The following ITFG2 variants were observed in gnomAD, a reference collection of about 807,000 sequenced individuals.
ITFG2 encodes the protein KICSTOR complex protein ITFG2.
ITFG2 carries 36 observed loss-of-function variants against 54.4 expected under a neutral mutation model. The observed-to-expected ratio is 0.66, with a 90% CI of 0.51 to 0.87. ITFG2 has a LOEUF of 0.87. Ranked by LOEUF, ITFG2 falls within the 40% of genes least tolerant of loss-of-function variation. The probability of loss-of-function intolerance (pLI) is 0.00; values close to 1 mark genes in which losing one functional copy is unlikely to be tolerated. For missense variants in ITFG2, 524 were observed against 576.7 expected (o/e 0.91, Z 0.94); for synonymous variants, 211 against 225.4 (o/e 0.94, Z 0.57).
intron 2 of ITFG2, chr12:2,855,179 T>A (rs1603494003): frequency 8.0e-6 from 12 of 1,507,022 alleles, no homozygotes; most frequent in Non-Finnish European, 9.7e-6. Flanking sequence ...TCGTAGGGCC[T>A]GTCAGGCTGG....
downstream of ITFG2, chr12:2,827,562 A>G (rs2097974700): frequency 4.3e-6 from 7 of 1,612,146 alleles, no homozygotes; most frequent in Non-Finnish European, 5.9e-6. This position sits in a 1 kb window ranked among gnomAD's most constrained non-coding sequence, Gnocchi z 4.0. Context: ...TCCAGGTTCC[A>G]CACCTGTGCC....
Position 2,815,124 on chromosome 12 carries a change from G to T in ITFG2, c.97-2099G>T, listed in dbSNP as rs571760520. Among the ~76,000 whole-genome samples, 18 of 152,262 alleles carry T rather than the reference G, an allele frequency of 1.2e-4. No homozygotes were observed. The East Asian group carries it at 2.1e-3, about 18-fold the overall frequency. ...CCCAAAAGTAGCTGGGATTACAGGC[G>T]TGAGCCACCGCGCCCAGCCAGAAAT... On this transcript the variant is annotated intron_variant, in intron 1 of 11. Coordinates refer to ENST00000228799, the MANE Select transcript of ITFG2 (RefSeq NM_018463.4).
chr12:2,840,649 G>A (rs895009881), intron 1 of ITFG2, among the ~76,000 whole-genome samples: 2 of 151,984 alleles, frequency 1.3e-5, no homozygotes, highest in African/African-American at 4.8e-5. Flanking sequence ...AGCCGGGCGA[G>A]GTGGCGGGCG....
chr12:2,821,294 A>C lies in ITFG2; in HGVS notation c.728A>C (p.His243Pro), dbSNP rs1310721612. ...ETPAARDVVL[H>P]QTSGRIHNKN... ...CCAGCTGCCCGAGACGTGGTGCTGC[A>C]CCAGACATCTGGCCGTATCCACAAC... The change falls in exon 7 of 12, where the codon CAC (histidine) becomes CCC (proline). Residue 243 changes from histidine to proline, a missense_variant. Coordinates refer to ENST00000228799, the MANE Select transcript of ITFG2 (RefSeq NM_018463.4). 3 of 1,609,868 alleles carry C rather than the reference A, an allele frequency of 1.9e-6. No individual in the cohort carries two copies. The highest frequency in any genetic ancestry group is 2.5e-6 in the Non-Finnish European group (3 of 1,178,122).
At position 2,817,252 on chromosome 12, in the gene ITFG2, C is replaced by T. The variant is rs762374688; in HGVS notation, c.126C>T (p.Ser42=). The T allele has an allele frequency of 1.2e-5, 20 of 1,613,666 alleles. No homozygotes were observed. The highest frequency in any genetic ancestry group is 2.2e-5 in the South Asian group (2 of 91,010). ...ATGAACTGGTGGTGGGAGACACCAG[C>T]GGGAAGGTGTCTGTGTATAAAAATG... ...TLNELVVGDT[S]GKVSVYKNDD... Residue 42 remains serine (S), a synonymous_variant, in exon 2 of 12, where the codon AGC becomes AGT. Transcript: ENST00000228799.
Position 2,818,490 on chromosome 12 carries a change from T to C in ITFG2, c.406+213T>C, listed in dbSNP as rs2097929545. ...ATTGCTGCCCTCCTGGGCCTTATTATGAAGAAACAGAAAAGAAACAATATA... is the reference window on the plus strand; with the variant it reads ...ATTGCTGCCCTCCTGGGCCTTATTACGAAGAAACAGAAAAGAAACAATATA... On this transcript the variant is annotated intron_variant, in intron 4 of 11. Transcript: ENST00000228799. The C allele has an allele frequency of 4.6e-6, 4 of 869,718 alleles. No individual in the cohort carries two copies. The African/African-American group carries it at 5.1e-5, about 11-fold the overall frequency. 53.9% of individuals were successfully genotyped at this position (869,718 alleles called of 1,614,324 possible). A position where few individuals can be genotyped will look rare whatever the true frequency, so the allele number is the denominator to read the frequency against.
intron 2 of ITFG2, among the ~76,000 whole-genome samples, chr12:2,846,078 G>A (rs887671708): frequency 6.6e-6 from 1 of 152,136 alleles, no homozygotes; most frequent in Non-Finnish European, 1.5e-5. Context: ...AGACCCCCAT[G>A]GCCTGCTGGA....
intron 1 of ITFG2, 48 bp downstream of exon 1, chr12:2,812,904 G>T (rs750595473): frequency 2.6e-6 from 4 of 1,515,362 alleles, no homozygotes; most frequent in African/African-American, 1.4e-5. Context: ...GTGCAGGGAC[G>T]GGGCAAGGGA....
chr12:2,816,468 C>G (rs1759493053), intron 1 of ITFG2, among the ~76,000 whole-genome samples: 1 of 151,386 alleles, frequency 6.6e-6, no homozygotes, highest in African/African-American at 2.4e-5. Context: ...TAGCTGGGAC[C>G]ACAGGCGCCC....
chr12:2,813,215 T>A (rs1401621844), intron 1 of ITFG2, among the ~76,000 whole-genome samples: 1 of 152,162 alleles, frequency 6.6e-6, no homozygotes, highest in Non-Finnish European at 1.5e-5. Flanking sequence ...TTTTGTGTTT[T>A]TAGTAGAGGT....
chr12:2,834,867 C>T (rs764014440), upstream of ITFG2: 55 of 1,613,666 alleles, frequency 3.4e-5, no homozygotes, highest in Admixed American at 5.8e-4. Context: ...AGGGGCTGCT[C>T]GGTGGGGGCG....
At position 2,854,267 on chromosome 12, in the gene ITFG2, C is replaced by T. The variant is rs113830579; in HGVS notation, n.301-3745C>T. ...CTGGAACTCCCTACCTCAGGTGATC[C>T]GGCCGCCTCGGCCTCCTAAAGTTCT... On this transcript the variant is annotated intron_variant and non_coding_transcript_variant, in intron 2 of 3. Coordinates refer to the ITFG2 transcript ENST00000537710. 1.5e-3 allele frequency among the ~76,000 whole-genome samples: 234 copies of T among 152,288 alleles called. 1 individual carries two copies. The highest frequency in any genetic ancestry group is 5.3e-3 in the African/African-American group (220 of 41,558).
intron 1 of ITFG2, among the ~76,000 whole-genome samples, chr12:2,838,119 T>C (rs1189892862): frequency 1.3e-5 from 2 of 152,184 alleles, no homozygotes; most frequent in Non-Finnish European, 2.9e-5. Context: ...TTGCTTGGGA[T>C]AGAGGTCAAA....
chr12:2,819,146 T>C (rs1227906670), intron 4 of ITFG2, among the ~76,000 whole-genome samples: 1 of 151,664 alleles, frequency 6.6e-6, no homozygotes, highest in East Asian at 1.9e-4. Context: ...CTGACCAACA[T>C]AGTGAAACCC....
chr12:2,830,708 C>T, intron 2 of ITFG2: 4 of 1,609,672 alleles, frequency 2.5e-6, no homozygotes, highest in Non-Finnish European at 2.5e-6. Context: ...GGCCTCTCAC[C>T]TTGCAGTTGA....
At position 2,820,166 on chromosome 12, in the gene ITFG2, G is replaced by A; in HGVS notation, c.487G>A (p.Gly163Ser). The change falls in exon 5 of 12, where the codon GGT becomes AGT. Residue 163 changes from glycine to serine, a missense_variant. Coordinates refer to ENST00000228799, the MANE Select transcript of ITFG2 (RefSeq NM_018463.4). The part of the protein sequence containing the change: ...RAFRWEELGE[G>S]PEHLTGQLVS... ...TTTCCGCTGGGAGGAGCTAGGTGAG[G>A]GTCCTGAACATCTGACAGGGCAGCT... 1 of 1,613,944 alleles carries A rather than the reference G, an allele frequency of 6.2e-7. No individual in the cohort carries two copies. The highest frequency in any genetic ancestry group is 2.2e-5 in the East Asian group (1 of 44,866).
rs755990214 is a variant in ITFG2 at position 2,817,312 on chromosome 12, G to A, written c.186G>A (p.Gln62=). The change falls in exon 2 of 12, where the codon CAG becomes CAA. Residue 62 remains glutamine, a synonymous_variant. Transcript: ENST00000228799. ...DSRPWLTCSC[Q]GMLTCVGVGD... ...GGCCATGGCTCACCTGTTCCTGCCA[G>A]GGAATGGTCAGTATTCACTTCCCTG... is the stretch of plus-strand genomic sequence containing the variant. 10 of 1,612,184 alleles carry A rather than the reference G, an allele frequency of 6.2e-6. No homozygotes were observed. The East Asian group carries it at 6.7e-5, about 11-fold the overall frequency.
At position 2,851,667 on chromosome 12, in the gene ITFG2, TA is replaced by T. The variant is rs1438052115; in HGVS notation, n.301-6344del. Among the ~76,000 whole-genome samples the T allele has an allele frequency of 1.3e-3, 199 of 150,358 alleles. 1 individual carries two copies. The highest frequency in any genetic ancestry group is 4.7e-3 in the African/African-American group (191 of 40,660). On this transcript the variant is annotated intron_variant and non_coding_transcript_variant, in intron 2 of 3. Transcript: ENST00000537710. ...CGCTAAATTTGTTTTATTTTAATTTTATTTATTTTTTTTATTTTAATTTTTT... is the reference window on the plus strand; with the variant it reads ...CGCTAAATTTGTTTTATTTTAATTTTTTTATTTTTTTTATTTTAATTTTTT...
At chr12:2,855,959 G>A (rs779652944) in intron 2 of ITFG2, among the ~76,000 whole-genome samples, 20 of 152,022 alleles carry the variant, frequency 1.3e-4, no homozygotes, top group South Asian at 2.1e-4. Context: ...TCATTTGTCC[G>A]TCACTGACGC....
Sources: gnomAD v4.1 joint callset for allele counts (sites outside exome capture counted in the v4.1 genomes callset) on GRCh38, gnomAD v4.1.1 for gene constraint, Gnocchi (gnomAD v3.1) non-coding constraint, MANE v1.5 for transcripts, NCBI Gene and HGNC (gene_info 2026-07-23, HGNC 2026-07-21) for gene names.